Variants in GBE1 observed in about 807,000 individuals in gnomAD.
GBE1 encodes 1,4-alpha-glucan-branching enzyme.
A neutral mutation model predicts 88.8 loss-of-function variants in GBE1; 70 were observed. The ratio of observed to expected loss-of-function variants is 0.79; its 90% CI spans 0.65 to 0.96. The LOEUF is 0.96. Among genes scored for constraint, GBE1 ranks in the 40% least tolerant of loss-of-function variants. The pLI is 0.00. For synonymous variants in GBE1, 284 were observed against 300.1 expected, an observed-to-expected ratio of 0.95 and a Z score of 0.56; for missense variants, 872 against 871.0, an observed-to-expected ratio of 1.00 and a Z score of -0.01.
chr3:81,548,031 A>G lies in GBE1; in HGVS notation c.1619-10936T>C, dbSNP rs146644680. 2.5e-3 allele frequency among the ~76,000 whole-genome samples: 386 copies of G among 151,422 alleles called. 14 individuals carry two copies. Among genetic ancestry groups the G allele is most frequent in the South Asian group, 5.6e-3 (27 of 4,820 alleles). ...CTTTCTCTTGGTCTCTGCTGTCACA[A>G]TGGCTGCTCAGGTTCAGGGTTCAAT... On this transcript the variant is annotated intron_variant, in intron 12 of 15. Transcript: ENST00000429644.
chr3:81,621,142 T>C (rs1220148014), intron 7 of GBE1, among the ~76,000 whole-genome samples: 1 of 152,214 alleles, frequency 6.6e-6, no homozygotes, highest in Non-Finnish European at 1.5e-5. Flanking sequence ...CACTGAATGT[T>C]TTCCATTTGT....
At chr3:81,601,749 A>G (rs1208330109) in intron 7 of GBE1, among the ~76,000 whole-genome samples, 1 of 152,232 alleles carries the variant, frequency 6.6e-6, no homozygotes, top group Non-Finnish European at 1.5e-5. Context: ...ATACTGAAAT[A>G]AATCATAAAG....
At chr3:81,737,597 A>G (rs1030683609) in intron 1 of GBE1, among the ~76,000 whole-genome samples, 5 of 151,204 alleles carry the variant, frequency 3.3e-5, no homozygotes, top group African/African-American at 1.2e-4. Flanking sequence ...CTTTTATAGC[A>G]GTTTTACAGA....
chr3:81,605,160 A>AACATCAAT, intron 7 of GBE1, among the ~76,000 whole-genome samples: 1 of 152,308 alleles, frequency 6.6e-6, no homozygotes, highest in African/African-American at 2.4e-5. Flanking sequence ...AAACCAAAAA[A>AACATCAAT]ACATCAATAT....
Position 81,642,898 on chromosome 3 carries a change from G to A in GBE1, c.875C>T (p.Ala292Val). 1 of 1,612,836 alleles carries A rather than the reference G, an allele frequency of 6.2e-7. No individual in the cohort carries two copies. The highest frequency in any genetic ancestry group is 8.5e-7 in the Non-Finnish European group (1 of 1,178,970). Reference sequence around the variant, plus strand: ...CAATCCATCTGCTGAATTTTTTGAAGCATGGCTGTGTACCACATCTAAGAG... The same window carrying A: ...CAATCCATCTGCTGAATTTTTTGAAACATGGCTGTGTACCACATCTAAGAG... ...IVLLDVVHSH[A>V]SKNSADGLNM... is the part of the protein sequence containing the mutation. The change falls in exon 7 of 16, where the codon GCT becomes GTT. Residue 292 changes from alanine (A) to valine (V), a missense_variant. Ala to Val is a moderately conservative substitution (Grantham distance 64). Coordinates refer to ENST00000429644, the MANE Select transcript of GBE1 (RefSeq NM_000158.4).
intron 3 of GBE1, among the ~76,000 whole-genome samples, chr3:81,656,013 A>G (rs1454095590): frequency 6.6e-6 from 1 of 152,182 alleles, no homozygotes; most frequent in Non-Finnish European, 1.5e-5. Flanking sequence ...AACAGGACCT[A>G]TTTGTATAAA....
At chr3:81,664,956 GTA>G (rs1273248249) in intron 3 of GBE1, among the ~76,000 whole-genome samples, 3 of 152,072 alleles carry the variant, frequency 2.0e-5, no homozygotes, top group Non-Finnish European at 4.4e-5. Flanking sequence ...GCCATCACCT[GTA>G]TATTCTTCAA....
chr3:81,621,447 T>C (rs1449324949), intron 7 of GBE1, among the ~76,000 whole-genome samples: 1 of 152,160 alleles, frequency 6.6e-6, no homozygotes, highest in Non-Finnish European at 1.5e-5. Flanking sequence ...ACTGCCCTCC[T>C]CCTGGCTTTC....
In GBE1 at chr3:81,733,550, A is replaced by G. The variant is rs140373688; in HGVS notation, c.143+27825T>C. On this transcript the variant is annotated intron_variant, in intron 1 of 15. Transcript: ENST00000429644. The surrounding 1 kb of genome is among the most constrained non-coding windows in gnomAD (Gnocchi z 4.0). ...CAAACCCCTGTGTAGAGGCTTTTGC[A>G]CTGGCCATTTCTTAGGTCTGGTACA... 6.6e-6 allele frequency among the ~76,000 whole-genome samples: 1 copy of G among 152,074 alleles called. No individual in the cohort carries two copies. The highest frequency in any genetic ancestry group is 1.5e-5 in the Non-Finnish European group (1 of 67,972).
At chr3:81,653,245 C>A (rs2107081668) in intron 3 of GBE1, among the ~76,000 whole-genome samples, 1 of 152,196 alleles carries the variant, frequency 6.6e-6, no homozygotes, top group East Asian at 1.9e-4. Flanking sequence ...GGGAGGATCA[C>A]TTGAGGTCAG....
chr3:81,545,643 T>A (rs1703196595), intron 12 of GBE1, among the ~76,000 whole-genome samples: 1 of 152,160 alleles, frequency 6.6e-6, no homozygotes, highest in African/African-American at 2.4e-5. Context: ...TGTGTATGTG[T>A]GTGCATGCCA....
intron 7 of GBE1, among the ~76,000 whole-genome samples, chr3:81,638,269 C>T (rs1335556951): frequency 2.0e-5 from 3 of 152,010 alleles, no homozygotes; most frequent in Non-Finnish European, 2.9e-5. Context: ...TGAAATATAA[C>T]TATATTAATT....
At chr3:81,757,131 G>A (rs928876954) in intron 1 of GBE1, among the ~76,000 whole-genome samples, 6 of 152,164 alleles carry the variant, frequency 3.9e-5, no homozygotes, top group African/African-American at 1.4e-4. Context: ...AGGAATGCAT[G>A]TGGGAAATGG....
chr3:81,702,630 A>G (rs541488991), intron 2 of GBE1, among the ~76,000 whole-genome samples: 1 of 152,128 alleles, frequency 6.6e-6, no homozygotes, highest in South Asian at 2.1e-4. Context: ...GAATCATTAA[A>G]TGAATGTTAT....
At chr3:81,758,528 G>C (rs987682296) in intron 1 of GBE1, among the ~76,000 whole-genome samples, 1 of 152,200 alleles carries the variant, frequency 6.6e-6, no homozygotes, top group African/African-American at 2.4e-5. Context: ...TTGAGTGACT[G>C]CCATGAGGAG....
chr3:81,603,653 C>A (rs1164497109), intron 7 of GBE1, among the ~76,000 whole-genome samples: 1 of 152,056 alleles, frequency 6.6e-6, no homozygotes, highest in Admixed American at 6.5e-5. Flanking sequence ...CACCACCACG[C>A]CCAGCTAATT....
intron 12 of GBE1, among the ~76,000 whole-genome samples, chr3:81,574,429 A>T (rs1266437767): frequency 6.6e-6 from 1 of 152,162 alleles, no homozygotes; most frequent in Non-Finnish European, 1.5e-5. Flanking sequence ...CCACTTTATC[A>T]CTGAGCCGAT....
In GBE1 at chr3:81,722,881, T is replaced by C. The variant is rs529148321; in HGVS notation, c.144-17268A>G. 3.1e-4 allele frequency among the ~76,000 whole-genome samples: 42 copies of C among 137,074 alleles called. 1 individual carries two copies. The South Asian group carries it at 6.6e-3, about 22-fold the overall frequency. 89.9% of individuals were successfully genotyped at this position (137,074 alleles called of 152,430 possible). On this transcript the variant is annotated intron_variant, in intron 1 of 15. Transcript: ENST00000429644. ...GGGTATGTGCATGGGCACACACACGTGTGTGTGTGTGTGTGTATATATATA... is the reference window on the plus strand; with the variant it reads ...GGGTATGTGCATGGGCACACACACGCGTGTGTGTGTGTGTGTATATATATA...
rs1398217998 is a variant in GBE1, at chr3:81,568,467, AGGTT to A, written c.1618+9454_1618+9457del. 3.6e-5 allele frequency among the ~76,000 whole-genome samples: 5 copies of A among 137,670 alleles called. No individual in the cohort carries two copies. The East Asian group carries it at 1.2e-3, about 33-fold the overall frequency. 90.3% of individuals were successfully genotyped at this position (137,670 alleles called of 152,430 possible). A position where few individuals can be genotyped will look rare whatever the true frequency, so the allele number is the denominator to read the frequency against. ...TTTCTTTGTGTCACTTATCATTTGC[AGGTT>A]TTTTATTTGTTTTGTTTTGTTTTGC... On this transcript the variant is annotated intron_variant, in intron 12 of 15. Transcript: ENST00000429644.
Sources: gnomAD v4.1 joint callset for allele counts (sites outside exome capture counted in the v4.1 genomes callset) on GRCh38, gnomAD v4.1.1 for gene constraint, Gnocchi (gnomAD v3.1) non-coding constraint, MANE v1.5 for transcripts, NCBI Gene and HGNC (gene_info 2026-07-23, HGNC 2026-07-21) for gene names.